The following ARID3A variants were observed in gnomAD, a reference collection of about 807,000 sequenced individuals.
ARID3A encodes AT-rich interaction domain 3A.
A neutral mutation model predicts 52.7 loss-of-function variants in ARID3A; 11 were observed. The ratio of observed to expected loss-of-function variants is 0.21; its 90% confidence interval spans 0.13 to 0.35. ARID3A has a LOEUF of 0.35. ARID3A is among the 10% of genes least tolerant of loss of function. ARID3A has a pLI of 1.00. For missense variants in ARID3A, 721 were observed against 838.5 expected (o/e 0.86, Z 1.73); for synonymous variants, 404 against 359.4 (o/e 1.12, Z -1.40).
rs1427088719 is a variant in ARID3A, at chr19:929,919, G to A, written c.368+23G>A. On this transcript the variant is annotated intron_variant, in intron 2 of 8. Coordinates refer to ENST00000263620, the MANE Select transcript of ARID3A (RefSeq NM_005224.3). This position sits in a 1 kb window ranked among gnomAD's most constrained non-coding sequence, Gnocchi z 6.2. ...CATGTGAGTTGGGGTCTGGGGCAGG[G>A]CCTTCTGGGGGCTGTTACTGGCTCT... 4.6e-6 allele frequency: 7 copies of A among 1,537,616 alleles called. No individual in the cohort carries two copies. Among genetic ancestry groups the A allele is most frequent in the Non-Finnish European group, 5.2e-6 (6 of 1,146,632 alleles).
At chr19:963,133 C>T (rs761950197) in intron 4 of ARID3A, among the ~76,000 whole-genome samples, 2 of 152,124 alleles carry the variant, frequency 1.3e-5, no homozygotes, top group Non-Finnish European at 1.5e-5. Context: ...GGCAGAGGGC[C>T]GGCTGCTCAC....
chr19:966,547 C>A, intron 6 of ARID3A, 25 bp from the exon 7 acceptor site: 1 of 1,508,924 alleles, frequency 6.6e-7, no homozygotes. Context: ...CTCCTGGCCA[C>A]CAATTCCCCT....
At chr19:967,374 C>A (rs2038182091) in intron 7 of ARID3A, among the ~76,000 whole-genome samples, 1 of 151,954 alleles carries the variant, frequency 6.6e-6, no homozygotes, top group Admixed American at 6.6e-5. Flanking sequence ...TTGAGATCAG[C>A]CTGAGCAACA....
chr19:958,898 A>C (rs1007084161), intron 3 of ARID3A, among the ~76,000 whole-genome samples: 3 of 152,222 alleles, frequency 2.0e-5, no homozygotes, highest in African/African-American at 7.2e-5. Context: ...TCAAAAAAAA[A>C]AAAATTCCAT....
At position 959,610 on chromosome 19, in the gene ARID3A, G is replaced by A. The variant is rs988132347; in HGVS notation, c.694-482G>A. ...ACTTCTGGGCTCCGGGACCGCGGGA[G>A]AATAGATTTCTGTTGCTTTAAGCTG... On this transcript the variant is annotated intron_variant, in intron 3 of 8. Coordinates refer to ENST00000263620, the MANE Select transcript of ARID3A (RefSeq NM_005224.3). This position sits in a 1 kb window ranked among gnomAD's most constrained non-coding sequence, Gnocchi z 5.0. Among the ~76,000 whole-genome samples, 1 of 152,190 alleles carries A rather than the reference G, an allele frequency of 6.6e-6. No homozygotes were observed.
At chr19:927,825 C>G (rs555858197) in intron 1 of ARID3A, among the ~76,000 whole-genome samples, 71 of 152,204 alleles carry the variant, frequency 4.7e-4, no homozygotes, top group African/African-American at 1.7e-3. Flanking sequence ...GACCTCTGTC[C>G]CCACAACAGA....
rs780084740 is a variant in ARID3A at position 929,709 on chromosome 19, G to A, written c.181G>A (p.Ala61Thr). The A allele has an allele frequency of 1.1e-5, 17 of 1,564,428 alleles. No homozygotes were observed. The highest frequency in any genetic ancestry group is 2.7e-5 in the African/African-American group (2 of 74,322). The change falls in exon 2 of 9, where the codon GCA becomes ACA. Residue 61 changes from alanine (A) to threonine (T), a missense_variant. Ala to Thr is a moderately conservative substitution (Grantham distance 58). Around this residue, in one of 5 missense-constraint regions of ARID3A, gnomAD observed 349 missense variants for 297.3 expected, o/e 1.17. Transcript: ENST00000263620. This position sits in a 1 kb window ranked among gnomAD's most constrained non-coding sequence, Gnocchi z 6.2. The stretch of plus-strand genomic sequence containing the variant: ...CCGGATGCAGCGGGCTCAGATGGCC[G>A]CACTGGCAGCCATGCGGGCTGCAGC... ...SARMQRAQMA[A>T]LAAMRAAAAG...
intron 3 of ARID3A, among the ~76,000 whole-genome samples, chr19:935,688 A>G (rs533128848): frequency 1.6e-4 from 24 of 152,142 alleles, no homozygotes; most frequent in South Asian, 4.1e-4. Flanking sequence ...AGGCTGGTCT[A>G]GAACTCCTGG....
Position 929,822 on chromosome 19 carries a change from A to G in ARID3A, c.294A>G (p.Thr98=), listed in dbSNP as rs369679760. The G allele has an allele frequency of 6.5e-6, 10 of 1,545,534 alleles. No individual in the cohort carries two copies. Among genetic ancestry groups the G allele is most frequent in the East Asian group, 2.4e-5 (1 of 41,182 alleles). The change falls in exon 2 of 9, where the codon ACA becomes ACG. Residue 98 remains threonine, a synonymous_variant. Coordinates refer to ENST00000263620, the MANE Select transcript of ARID3A (RefSeq NM_005224.3). This position sits in a 1 kb window ranked among gnomAD's most constrained non-coding sequence, Gnocchi z 6.2. ...AGGAGGACGCGGCCCGGGAGGGGACACCGGGCTCACCCGGGCGAGGCAGAG... is the reference window on the plus strand; with the variant it reads ...AGGAGGACGCGGCCCGGGAGGGGACGCCGGGCTCACCCGGGCGAGGCAGAG... ...SEEEDAAREG[T]PGSPGRGREG... is the part of the protein sequence containing the mutation.
At chr19:966,481 G>GA in intron 6 of ARID3A, 91 bp from the exon 7 acceptor site, 1 of 937,842 alleles carries the variant, frequency 1.1e-6, no homozygotes, top group Non-Finnish European at 1.5e-6. Context: ...AAAAAGAAAA[G>GA]AAAAGAAAAA....
chr19:936,455 G>A (rs1358687547), intron 3 of ARID3A, among the ~76,000 whole-genome samples: 1 of 151,878 alleles, frequency 6.6e-6, no homozygotes, highest in Admixed American at 6.6e-5. Context: ...GAGGTGGGAG[G>A]ATCCCTTGAG....
chr19:932,269 C>A (rs911879782), intron 2 of ARID3A, 149 bp from the exon 3 acceptor site: 8 of 1,422,856 alleles, frequency 5.6e-6, no homozygotes, highest in Non-Finnish European at 6.6e-6. Flanking sequence ...ACGCTGTGCT[C>A]ATGAGCGCTC....
rs577806779 is a variant in ARID3A at position 964,050 on chromosome 19, C to T, written c.767-198C>T. On this transcript the variant is annotated intron_variant, in intron 4 of 8. Transcript: ENST00000263620. The surrounding 1 kb of genome is among the most constrained non-coding windows in gnomAD (Gnocchi z 5.7). The stretch of plus-strand genomic sequence containing the variant: ...ATAAACCGAGGCAGAGCTGCCCCCT[C>T]TGCACCCTCTCGAGCAGAGGTTCCC... Among the ~76,000 whole-genome samples the T allele has an allele frequency of 6.6e-5, 10 of 152,302 alleles. No individual in the cohort carries two copies. Among genetic ancestry groups the T allele is most frequent in the East Asian group, 3.9e-4 (2 of 5,188 alleles).
Position 974,567 on chromosome 19 carries a change from G to C in ARID3A, c.*2502G>C, listed in dbSNP as rs2038342773. The C allele has an allele frequency of 4.3e-6, 1 of 230,132 alleles. No individual in the cohort carries two copies. The allele number at this position is 230,132 out of a possible 1,614,324, so 14.3% of individuals were successfully genotyped here. On this transcript the variant is annotated 3_prime_UTR_variant, in exon 9 of 9. Coordinates refer to ENST00000263620, the MANE Select transcript of ARID3A (RefSeq NM_005224.3). ...TTTTGATGCCAAAATCTGAGCCCCT[G>C]GGGTGCCTCTCCCCCGCCTCCCGTG...
chr19:973,301 T>C lies in ARID3A; in HGVS notation c.*1236T>C. 5.7e-6 allele frequency: 1 copy of C among 176,614 alleles called. No individual in the cohort carries two copies. Among genetic ancestry groups the C allele is most frequent in the Non-Finnish European group, 1.2e-5 (1 of 82,288 alleles). 10.9% of individuals were successfully genotyped at this position (176,614 alleles called of 1,614,324 possible). A position where few individuals can be genotyped will look rare whatever the true frequency, so the allele number is the denominator to read the frequency against. ...TTAATTTTTGTATTTTTAGTAGAGA[T>C]GGGGGTTTTGCCATGTTGGTCAGGC... On this transcript the variant is annotated 3_prime_UTR_variant, in exon 9 of 9. Coordinates refer to ENST00000263620, the MANE Select transcript of ARID3A (RefSeq NM_005224.3).
chr19:938,924 ATC>A lies in ARID3A; in HGVS notation c.693+6188_693+6189del, dbSNP rs1163754483. ...AAAATACACATAGATACATTATTTT[ATC>A]TCTCTTTTTTTTTTTTTTTTTTGAG... On this transcript the variant is annotated intron_variant, in intron 3 of 8. Transcript: ENST00000263620. The surrounding 1 kb of genome is among the most constrained non-coding windows in gnomAD (Gnocchi z 4.0). Among the ~76,000 whole-genome samples the A allele has an allele frequency of 2.9e-5, 4 of 137,392 alleles. No individual in the cohort carries two copies. Among genetic ancestry groups the A allele is most frequent in the East Asian group, 2.1e-4 (1 of 4,824 alleles). The allele number at this position is 137,392 out of a possible 152,430, so 90.1% of individuals were successfully genotyped here.
chr19:971,317 A>G (rs2038272176), intron 8 of ARID3A, among the ~76,000 whole-genome samples: 1 of 152,160 alleles, frequency 6.6e-6, no homozygotes, highest in South Asian at 2.1e-4. Context: ...AAAATAAAAA[A>G]TTGCTAAAAT....
At position 973,678 on chromosome 19, in the gene ARID3A, C is replaced by G. The variant is rs534622948; in HGVS notation, c.*1613C>G. 2 of 227,104 alleles carry G rather than the reference C, an allele frequency of 8.8e-6. No individual in the cohort carries two copies. Among genetic ancestry groups the G allele is most frequent in the South Asian group, 3.7e-4 (2 of 5,470 alleles). 14.1% of individuals were successfully genotyped at this position (227,104 alleles called of 1,614,324 possible). On this transcript the variant is annotated 3_prime_UTR_variant, in exon 9 of 9. Coordinates refer to ENST00000263620, the MANE Select transcript of ARID3A (RefSeq NM_005224.3). ...CCCCAACATTCTCCTCGCTCTGTCCCTTCCTCTTCTCCCAACCCCTTTTGT... is the reference window on the plus strand; with the variant it reads ...CCCCAACATTCTCCTCGCTCTGTCCGTTCCTCTTCTCCCAACCCCTTTTGT...
At chr19:927,846 G>T (rs2037233816) in intron 1 of ARID3A, among the ~76,000 whole-genome samples, 1 of 152,050 alleles carries the variant, frequency 6.6e-6, no homozygotes, top group South Asian at 2.1e-4. Flanking sequence ...TGGAACAGAG[G>T]CTATTTTGGA....
Sources: allele counts gnomAD v4.1 joint callset (sites outside exome capture counted in the v4.1 genomes callset), GRCh38; gene constraint gnomAD v4.1.1; regional missense constraint gnomAD v4.1.1; non-coding constraint Gnocchi (gnomAD v3.1); transcripts MANE v1.5; gene names NCBI Gene and HGNC (gene_info 2026-07-23, HGNC 2026-07-21).